DENND2B: variants seen among roughly 807,000 people sequenced by gnomAD.
DENND2B encodes DENN domain-containing protein 2B.
Under a neutral mutation model 116.0 loss-of-function variants are expected in DENND2B, and 32 were observed. The observed-to-expected ratio is 0.28, with a 90% confidence interval of 0.21 to 0.37. The LOEUF is 0.37. DENND2B is among the 10% of genes least tolerant of loss of function. The probability of loss-of-function intolerance (pLI) is 1.00; values close to 1 mark genes in which losing one functional copy is unlikely to be tolerated. For missense variants in DENND2B, 1,276 were observed against 1,477.7 expected, an observed-to-expected ratio of 0.86 and a Z score of 2.24; for synonymous variants, 588 against 583.9, an observed-to-expected ratio of 1.01 and a Z score of -0.10.
chr11:8,832,235 A>C (rs2062236545), intron 4 of DENND2B, among the ~76,000 whole-genome samples: 1 of 152,124 alleles, frequency 6.6e-6, no homozygotes, highest in African/African-American at 2.4e-5. Flanking sequence ...GGCGGATCAC[A>C]AGGTCAAGAG....
rs775933098 is a variant in DENND2B, at chr11:8,711,281, G to A, written c.2173-50C>T. ...ATGACATGGAACCTGAGGGCGGGTGGTGGTGGCTGAGAAGCCCCTCCTCCC... is the reference window on the plus strand; with the variant it reads ...ATGACATGGAACCTGAGGGCGGGTGATGGTGGCTGAGAAGCCCCTCCTCCC... On this transcript the variant is annotated intron_variant, in intron 9 of 19. Transcript: ENST00000313726. 1.0e-5 allele frequency: 16 copies of A among 1,572,528 alleles called. No homozygotes were observed. The Admixed American group carries it at 1.3e-4, about 13-fold the overall frequency.
At chr11:8,750,456 T>C (rs1488547668) in intron 2 of DENND2B, among the ~76,000 whole-genome samples, 165 bp downstream of exon 2, 1 of 152,196 alleles carries the variant, frequency 6.6e-6, no homozygotes, top group African/African-American at 2.4e-5. Context: ...ACATAGAAAC[T>C]TACAGAACTA....
At chr11:8,791,975 C>A (rs2059418582) in intron 1 of DENND2B, among the ~76,000 whole-genome samples, 1 of 98,108 alleles carries the variant, frequency 1.0e-5, no homozygotes, top group Admixed American at 1.3e-4. Flanking sequence ...GAGGCCAAGG[C>A]GCGTGGATCA....
At chr11:8,814,837 G>A (rs1389877670), upstream of DENND2B, among the ~76,000 whole-genome samples, 1 of 152,114 alleles carries the variant, frequency 6.6e-6, no homozygotes, top group Non-Finnish European at 1.5e-5. Context: ...ATTTCTTCCT[G>A]TCCGACAGGA....
At chr11:8,786,621 G>A (rs993583150) in intron 1 of DENND2B, among the ~76,000 whole-genome samples, 8 of 152,144 alleles carry the variant, frequency 5.3e-5, no homozygotes, top group African/African-American at 1.9e-4. Context: ...ATCAGGCTGG[G>A]CAACATGGCA....
chr11:8,828,649 C>A (rs185421366), intron 4 of DENND2B, among the ~76,000 whole-genome samples: 1 of 152,178 alleles, frequency 6.6e-6, no homozygotes, highest in South Asian at 2.1e-4. Context: ...AACAAGGACT[C>A]GGAGGTGACC....
Position 8,702,998 on chromosome 11 carries a change from G to A in DENND2B, c.2572-278C>T, listed in dbSNP as rs1207539449. The A allele has an allele frequency of 6.9e-6, 3 of 436,786 alleles. No individual in the cohort carries two copies. Among genetic ancestry groups the A allele is most frequent in the African/African-American group, 4.0e-5 (2 of 50,396 alleles). 27.1% of individuals were successfully genotyped at this position (436,786 alleles called of 1,614,324 possible). ...TGAGGGGCCATCCATCGGGACCTCA[G>A]GAAGAGAGGAGAGCTGACTGCTCTT... On this transcript the variant is annotated intron_variant, in intron 13 of 19. Coordinates refer to ENST00000313726, the MANE Select transcript of DENND2B (RefSeq NM_213618.2). This position sits in a 1 kb window ranked among gnomAD's most constrained non-coding sequence, Gnocchi z 4.6.
At chr11:8,863,704 G>C (rs2063485356) in intron 2 of DENND2B, among the ~76,000 whole-genome samples, 2 of 152,276 alleles carry the variant, frequency 1.3e-5, no homozygotes, top group South Asian at 2.1e-4. Flanking sequence ...TTGACCTTAA[G>C]TGCCATTTTT....
At chr11:8,842,318 G>T (rs1478817840) in intron 3 of DENND2B, among the ~76,000 whole-genome samples, 1 of 152,138 alleles carries the variant, frequency 6.6e-6, no homozygotes, top group Non-Finnish European at 1.5e-5. Context: ...TGCTGTGCTG[G>T]TCACATTCCG....
In DENND2B at chr11:8,707,536, G is replaced by A. The variant is rs2042817763; in HGVS notation, c.2430+241C>T. On this transcript the variant is annotated intron_variant, in intron 12 of 19. Transcript: ENST00000313726. The surrounding 1 kb of genome is among the most constrained non-coding windows in gnomAD (Gnocchi z 4.8). ...GGACTCTGGCTCTGCCTAGGGCCCA[G>A]GGTGGGCTGTGACAGGGGCAGACAC... Among the ~76,000 whole-genome samples the A allele has an allele frequency of 6.6e-6, 1 of 152,254 alleles. No homozygotes were observed. Among genetic ancestry groups the A allele is most frequent in the Non-Finnish European group, 1.5e-5 (1 of 68,046 alleles).
Position 8,824,536 on chromosome 11 carries a change from CT to C in DENND2B, c.-114-13202del, listed in dbSNP as rs530107122. Among the ~76,000 whole-genome samples, 412 of 152,220 alleles carry C rather than the reference CT, an allele frequency of 2.7e-3. 4 individuals are homozygous for C. The highest frequency in any genetic ancestry group is 9.6e-3 in the African/African-American group (398 of 41,524). On this transcript the variant is annotated intron_variant, in intron 4 of 6. Coordinates refer to the DENND2B transcript ENST00000524757. ...TTCCTGCAAAGGACATGATTTCATT[CT>C]TTTTTTATGGCTGCATAGTATTCCA...
chr11:8,797,795 C>T (rs1488830031), intron 1 of DENND2B, among the ~76,000 whole-genome samples: 3 of 151,900 alleles, frequency 2.0e-5, no homozygotes, highest in Non-Finnish European at 2.9e-5. Flanking sequence ...CAATGTTCCT[C>T]TCTCTCCCTC....
At chr11:8,722,828 T>C (rs117734282) in intron 4 of DENND2B, among the ~76,000 whole-genome samples, 2,826 of 152,008 alleles carry the variant, frequency 0.019, 39 homozygotes, top group Non-Finnish European at 0.029. Context: ...CCCAAACTGG[T>C]GCCTGGGTCG....
Position 8,751,556 on chromosome 11 carries a change from G to A in DENND2B, c.-25-831C>T, listed in dbSNP as rs138827714. 9.7e-3 allele frequency among the ~76,000 whole-genome samples: 1,469 copies of A among 151,908 alleles called. 27 individuals are homozygous for A. The highest frequency in any genetic ancestry group is 0.034 in the African/African-American group (1,406 of 41,392). ...TCTGCAGCTTCACTCCTGAGCCAGCGAGACCACGAACCTACCAGAAGGAAA... is the reference window on the plus strand; with the variant it reads ...TCTGCAGCTTCACTCCTGAGCCAGCAAGACCACGAACCTACCAGAAGGAAA... On this transcript the variant is annotated intron_variant, in intron 1 of 19. Coordinates refer to ENST00000313726, the MANE Select transcript of DENND2B (RefSeq NM_213618.2).
At chr11:8,696,045 C>A in intron 18 of DENND2B, 1 of 266,226 alleles carries the variant, frequency 3.8e-6, no homozygotes. Flanking sequence ...CCTACGACAG[C>A]TGGCCCAATG....
chr11:8,901,684 C>T (rs2064173403), intron 1 of DENND2B, among the ~76,000 whole-genome samples: 1 of 152,152 alleles, frequency 6.6e-6, no homozygotes, highest in East Asian at 1.9e-4. Flanking sequence ...CAGTTCAAAA[C>T]ATTTCCTAGT....
intron 4 of DENND2B, among the ~76,000 whole-genome samples, chr11:8,818,288 C>T: frequency 7.0e-6 from 1 of 142,774 alleles, no homozygotes; most frequent in African/African-American, 2.6e-5. Context: ...TAATAATAGG[C>T]TTTCCAAGCT....
intron 1 of DENND2B, among the ~76,000 whole-genome samples, chr11:8,898,950 C>A (rs2064133341): frequency 6.6e-6 from 1 of 151,686 alleles, no homozygotes; most frequent in Non-Finnish European, 1.5e-5. Flanking sequence ...GTTCAAAGAA[C>A]TAAAGAAAAC....
intron 2 of DENND2B, among the ~76,000 whole-genome samples, chr11:8,866,920 G>C (rs2063600863): frequency 6.6e-6 from 1 of 152,092 alleles, no homozygotes; most frequent in Admixed American, 6.6e-5. Flanking sequence ...AGGTGTGAGA[G>C]GCTCTTAAAG....
Sources: allele counts gnomAD v4.1 joint callset (sites outside exome capture counted in the v4.1 genomes callset), GRCh38; gene constraint gnomAD v4.1.1; non-coding constraint Gnocchi (gnomAD v3.1); transcripts MANE v1.5; gene names NCBI Gene and HGNC (gene_info 2026-07-23, HGNC 2026-07-21).